Variants in RAI14 observed in about 807,000 individuals in gnomAD.
RAI14 encodes retinoic acid induced 14.
RAI14 carries 45 observed loss-of-function variants against 115.4 expected under a neutral mutation model. The observed-to-expected ratio is 0.39, with a 90% CI of 0.31 to 0.50. RAI14 has a LOEUF of 0.50. Ranked by LOEUF, RAI14 falls within the 20% of genes least tolerant of loss-of-function variation. The pLI is 0.85. For missense variants in RAI14, 939 were observed against 1,131.2 expected, an observed-to-expected ratio of 0.83 and a Z score of 2.44; for synonymous variants, 371 against 415.4, an observed-to-expected ratio of 0.89 and a Z score of 1.30.
At chr5:34,738,775 T>C (rs369030366) in intron 2 of RAI14, among the ~76,000 whole-genome samples, 8 of 152,354 alleles carry the variant, frequency 5.3e-5, no homozygotes, top group African/African-American at 1.7e-4. Context: ...TCCTGAAATT[T>C]CTAGCTTGAG....
At chr5:34,758,781 G>A (rs1273633836) in intron 3 of RAI14, among the ~76,000 whole-genome samples, 1 of 152,210 alleles carries the variant, frequency 6.6e-6, no homozygotes, top group Non-Finnish European at 1.5e-5. Context: ...GTTCGTGACT[G>A]CTCCCACACT....
At position 34,832,153 on chromosome 5, in the gene RAI14, G is replaced by T. The variant is rs575978482; in HGVS notation, c.*1388G>T. 2.6e-5 allele frequency: 4 copies of T among 152,560 alleles called. No individual in the cohort carries two copies. Among genetic ancestry groups the T allele is most frequent in the African/African-American group, 9.6e-5 (4 of 41,462 alleles). 9.5% of individuals were successfully genotyped at this position (152,560 alleles called of 1,614,324 possible). A position where few individuals can be genotyped will look rare whatever the true frequency, so the allele number is the denominator to read the frequency against. Reference sequence around the variant, plus strand: ...GACTCTCCAAAGTATTTAACTGAAAGTAGGGCCTGCTCTGACAGGGCCCAT... The same window carrying T: ...GACTCTCCAAAGTATTTAACTGAAATTAGGGCCTGCTCTGACAGGGCCCAT... On this transcript the variant is annotated 3_prime_UTR_variant, in exon 18 of 18. Coordinates refer to ENST00000265109, the MANE Select transcript of RAI14 (RefSeq NM_015577.3).
At chr5:34,659,234 C>G (rs1443659400) in intron 1 of RAI14, among the ~76,000 whole-genome samples, 1 of 152,170 alleles carries the variant, frequency 6.6e-6, no homozygotes, top group African/African-American at 2.4e-5. Flanking sequence ...AGTATATTTA[C>G]TCCCTTGCCA....
At chr5:34,744,232 A>G (rs975855084) in intron 2 of RAI14, among the ~76,000 whole-genome samples, 1 of 152,072 alleles carries the variant, frequency 6.6e-6, no homozygotes, top group African/African-American at 2.4e-5. Flanking sequence ...TTACATGCGT[A>G]CCTCCCTTTA....
chr5:34,740,028 G>T (rs369503593), intron 2 of RAI14, among the ~76,000 whole-genome samples: 1 of 152,138 alleles, frequency 6.6e-6, no homozygotes, highest in African/African-American at 2.4e-5. Flanking sequence ...ACTCCAGCCT[G>T]GGTGACAGAG....
chr5:34,760,770 T>C (rs1748543905), intron 3 of RAI14, among the ~76,000 whole-genome samples: 1 of 152,214 alleles, frequency 6.6e-6, no homozygotes, highest in Admixed American at 6.5e-5. Flanking sequence ...TTTTAACCAT[T>C]TTAAAGTATA....
chr5:34,753,708 G>C (rs1041765269), intron 2 of RAI14, among the ~76,000 whole-genome samples: 9 of 152,146 alleles, frequency 5.9e-5, no homozygotes, highest in African/African-American at 2.2e-4. Flanking sequence ...GAGGTCAAGC[G>C]CTCAAGACCA....
intron 3 of RAI14, among the ~76,000 whole-genome samples, chr5:34,781,010 C>T (rs1169319909): frequency 6.6e-6 from 1 of 152,064 alleles, no homozygotes; most frequent in Non-Finnish European, 1.5e-5. Flanking sequence ...GAAAATGTGG[C>T]ACATATACAC....
chr5:34,742,211 C>T (rs1374265423), intron 2 of RAI14, among the ~76,000 whole-genome samples: 1 of 152,158 alleles, frequency 6.6e-6, no homozygotes, highest in Non-Finnish European at 1.5e-5. Flanking sequence ...CTCAGCAAGC[C>T]TGGTTCAGGT....
chr5:34,661,711 A>G (rs1247571433), intron 1 of RAI14, among the ~76,000 whole-genome samples: 1 of 152,158 alleles, frequency 6.6e-6, no homozygotes, highest in Non-Finnish European at 1.5e-5. Flanking sequence ...TTTTGTGATA[A>G]CCTGGTTTCC....
intron 2 of RAI14, among the ~76,000 whole-genome samples, chr5:34,731,191 T>C (rs1428213249): frequency 6.6e-6 from 1 of 152,158 alleles, no homozygotes; most frequent in Non-Finnish European, 1.5e-5. Flanking sequence ...TGGGTGTGGA[T>C]TTTTATCCCC....
At chr5:34,712,460 TGAAG>T (rs1252913089) in intron 2 of RAI14, among the ~76,000 whole-genome samples, 2 of 152,114 alleles carry the variant, frequency 1.3e-5, no homozygotes, top group East Asian at 1.9e-4. Flanking sequence ...GACACGTGCA[TGAAG>T]GAAGGAAGGA....
intron 2 of RAI14, among the ~76,000 whole-genome samples, chr5:34,713,545 C>A: frequency 6.6e-6 from 1 of 152,182 alleles, no homozygotes; most frequent in Non-Finnish European, 1.5e-5. Flanking sequence ...CACTGAGGAT[C>A]TGTTTCTTTT....
At chr5:34,726,694 G>A (rs1743512247) in intron 2 of RAI14, among the ~76,000 whole-genome samples, 1 of 152,080 alleles carries the variant, frequency 6.6e-6, no homozygotes, top group African/African-American at 2.4e-5. Context: ...CTGTTCTCAG[G>A]ATAGTGAATA....
chr5:34,770,661 A>G (rs1046982204), intron 3 of RAI14, among the ~76,000 whole-genome samples: 1 of 152,202 alleles, frequency 6.6e-6, no homozygotes, highest in African/African-American at 2.4e-5. Context: ...ACTGCAAGGC[A>G]AAGGCCCTGA....
intron 1 of RAI14, chr5:34,667,420 G>C (rs1160848229): frequency 6.6e-6 from 1 of 152,034 alleles, no homozygotes; most frequent in East Asian, 1.9e-4. Flanking sequence ...TATTTTTGTA[G>C]AGACAGGGTT....
chr5:34,808,746 C>A, intron 7 of RAI14, 92 bp downstream of exon 7: 1 of 1,212,410 alleles, frequency 8.2e-7, no homozygotes, highest in Non-Finnish European at 1.2e-6. Context: ...TTTAGACTAG[C>A]AGTCTCCAAC....
chr5:34,757,868 C>G (rs1452040183), intron 3 of RAI14: 1 of 245,048 alleles, frequency 4.1e-6, no homozygotes, highest in Non-Finnish European at 7.8e-6. Context: ...CATGAATTCT[C>G]TCTTCGATAA....
chr5:34,668,393 C>CAAA (rs34952152), intron 1 of RAI14, among the ~76,000 whole-genome samples: 1 of 121,286 alleles, frequency 8.2e-6, no homozygotes, highest in Non-Finnish European at 1.8e-5. Flanking sequence ...GACTCTGTCT[C>CAAA]AAAAAAAAAA....
Sources: allele counts gnomAD v4.1 joint callset (sites outside exome capture counted in the v4.1 genomes callset), GRCh38; gene constraint gnomAD v4.1.1; transcripts MANE v1.5; gene names NCBI Gene and HGNC (gene_info 2026-07-23, HGNC 2026-07-21).